Variants in ACBD6 observed in about 807,000 individuals in gnomAD.
The protein encoded by ACBD6 is acyl-CoA-binding domain-containing protein 6.
A neutral mutation model predicts 37.2 loss-of-function variants in ACBD6; 28 were observed. That is an observed-to-expected ratio of 0.75 (90% confidence interval 0.56 to 1.03). The LOEUF is 1.03. Among genes scored for constraint, ACBD6 ranks in the 50% least tolerant of loss-of-function variants. The probability of loss-of-function intolerance (pLI) is 0.00; values close to 1 mark genes in which losing one functional copy is unlikely to be tolerated. For synonymous variants in ACBD6, 113 were observed against 126.8 expected (o/e 0.89, Z 0.73); for missense variants, 340 against 337.4 (o/e 1.01, Z -0.06).
rs151205413 is a variant in ACBD6, at chr1:180,282,832, A to G, written c.*94-1446T>C. 5.4e-3 allele frequency among the ~76,000 whole-genome samples: 819 copies of G among 152,332 alleles called. 8 individuals carry two copies. The highest frequency in any genetic ancestry group is 0.019 in the African/African-American group (783 of 41,574). ...AAGTGATTCCCTGGAGTGGATGCCAAGCTTCGTTCAGAATGCGCATTAACC... is the reference window on the plus strand; with the variant it reads ...AAGTGATTCCCTGGAGTGGATGCCAGGCTTCGTTCAGAATGCGCATTAACC... On this transcript the variant is annotated intron_variant, in intron 8 of 13. Coordinates refer to the ACBD6 transcript ENST00000642319.
At chr1:180,410,863 T>C (rs1161493997) in intron 5 of ACBD6, among the ~76,000 whole-genome samples, 8 of 152,218 alleles carry the variant, frequency 5.3e-5, no homozygotes. Context: ...TATAAGGCTA[T>C]AGCTGCCATA....
intron 6 of ACBD6, among the ~76,000 whole-genome samples, chr1:180,374,356 C>T (rs941934056): frequency 2.0e-5 from 3 of 152,166 alleles, no homozygotes; most frequent in African/African-American, 7.2e-5. Context: ...AAAGGTGCTA[C>T]ACTCAAGTGC....
chr1:180,352,388 C>T (rs1431752645), intron 6 of ACBD6, among the ~76,000 whole-genome samples: 2 of 152,090 alleles, frequency 1.3e-5, no homozygotes, highest in African/African-American at 2.4e-5. Flanking sequence ...GAGGTTTTCA[C>T]CACGTTGGCC....
rs551840374 is a variant in ACBD6, at chr1:180,445,219, C to T, written c.385-14957G>A. ...ATTGCCCAAAACATGGCCATTTCTCCAACGCAAAAGTGTTTCAGCAATATA... is the reference window on the plus strand; with the variant it reads ...ATTGCCCAAAACATGGCCATTTCTCTAACGCAAAAGTGTTTCAGCAATATA... On this transcript the variant is annotated intron_variant, in intron 3 of 7. Coordinates refer to ENST00000367595, the MANE Select transcript of ACBD6 (RefSeq NM_032360.4). Among the ~76,000 whole-genome samples the T allele has an allele frequency of 4.9e-4, 74 of 152,204 alleles. 1 individual carries two copies. In the South Asian group the frequency reaches 0.015, roughly 31 times the overall value.
chr1:180,409,398 A>G (rs1647761271), intron 5 of ACBD6, among the ~76,000 whole-genome samples: 1 of 152,210 alleles, frequency 6.6e-6, no homozygotes, highest in South Asian at 2.1e-4. Context: ...CTATTGCACT[A>G]TGCTTCATTG....
intron 3 of ACBD6, among the ~76,000 whole-genome samples, chr1:180,491,911 T>C (rs958145954): frequency 6.6e-6 from 1 of 152,120 alleles, no homozygotes; most frequent in Non-Finnish European, 1.5e-5. Context: ...CCAGGTTCAA[T>C]TGATTCCCCT....
chr1:180,478,656 G>C (rs1164336026), intron 3 of ACBD6, among the ~76,000 whole-genome samples: 3 of 151,932 alleles, frequency 2.0e-5, no homozygotes, highest in Non-Finnish European at 4.4e-5. Context: ...GCTAATTTTT[G>C]TATTTTTAGT....
chr1:180,432,490 C>T (rs970629980), intron 3 of ACBD6, among the ~76,000 whole-genome samples: 1 of 151,376 alleles, frequency 6.6e-6, no homozygotes, highest in Non-Finnish European at 1.5e-5. Flanking sequence ...AGCAAATAAG[C>T]GAGTGACAAG....
intron 3 of ACBD6, among the ~76,000 whole-genome samples, chr1:180,456,109 G>A (rs1391823162): frequency 6.6e-6 from 1 of 151,808 alleles, no homozygotes; most frequent in African/African-American, 2.4e-5. Flanking sequence ...CTACTCGGGA[G>A]GCTGAGGCAG....
At position 180,413,528 on chromosome 1, in the gene ACBD6, T is replaced by C. The variant is rs1423838678; in HGVS notation, c.468-57A>G. ...CTGGGTAATACATTAAAGTTACATA[T>C]TTTCAACACAATCTGTTTGCTGCTG... On this transcript the variant is annotated intron_variant, in intron 4 of 7. Transcript: ENST00000367595. The C allele has an allele frequency of 4.6e-6, 6 of 1,303,880 alleles. No individual in the cohort carries two copies. In the African/African-American group the frequency reaches 7.3e-5, roughly 16 times the overall value. The allele number at this position is 1,303,880 out of a possible 1,614,324, so 80.8% of individuals were successfully genotyped here. A position where few individuals can be genotyped will look rare whatever the true frequency, so the allele number is the denominator to read the frequency against.
At chr1:180,303,515 A>G (rs9725078) in intron 7 of ACBD6, among the ~76,000 whole-genome samples, 11,057 of 150,968 alleles carry the variant, frequency 0.073, 1,357 homozygotes, top group African/African-American at 0.24. Flanking sequence ...GAAGAAATGG[A>G]TAAATTCCTC....
At chr1:180,471,957 A>G (rs1650586240) in intron 3 of ACBD6, among the ~76,000 whole-genome samples, 1 of 152,250 alleles carries the variant, frequency 6.6e-6, no homozygotes, top group Non-Finnish European at 1.5e-5. Flanking sequence ...GTTTATACCA[A>G]TGAGTTTCCT....
rs554564104 is a variant in ACBD6, at chr1:180,475,673, C to T, written c.384+16596G>A. Reference sequence around the variant, plus strand: ...GTGCTGGGATTACAGGCATGAGCCACCATGTTATGTATACCAATAGTTTGG... The same window carrying T: ...GTGCTGGGATTACAGGCATGAGCCATCATGTTATGTATACCAATAGTTTGG... On this transcript the variant is annotated intron_variant, in intron 3 of 7. Transcript: ENST00000367595. Among the ~76,000 whole-genome samples, 6 of 152,300 alleles carry T rather than the reference C, an allele frequency of 3.9e-5. No homozygotes were observed. In the East Asian group the frequency reaches 9.7e-4, roughly 25 times the overall value.
chr1:180,386,912 T>C (rs1394412976), intron 6 of ACBD6, among the ~76,000 whole-genome samples: 3 of 152,190 alleles, frequency 2.0e-5, no homozygotes, highest in East Asian at 1.9e-4. Context: ...TTGGCGTATA[T>C]TGACCTCCTT....
intron 6 of ACBD6, among the ~76,000 whole-genome samples, chr1:180,345,461 T>A (rs1246387007): frequency 6.6e-6 from 1 of 152,144 alleles, no homozygotes; most frequent in East Asian, 1.9e-4. Flanking sequence ...GATTTATAAA[T>A]CTTTTAGAAA....
intron 3 of ACBD6, among the ~76,000 whole-genome samples, chr1:180,458,736 G>A (rs969067977): frequency 1.3e-5 from 2 of 152,156 alleles, no homozygotes. Context: ...AATTTACAGT[G>A]TGTAAAGTTA....
intron 7 of ACBD6, among the ~76,000 whole-genome samples, chr1:180,302,054 G>A (rs1392622854): frequency 6.6e-6 from 1 of 151,024 alleles, no homozygotes; most frequent in Non-Finnish European, 1.5e-5. Flanking sequence ...GGGGAGGGTG[G>A]AGGGATAGCA....
chr1:180,476,473 C>T (rs1428355163), intron 3 of ACBD6, among the ~76,000 whole-genome samples: 1 of 152,148 alleles, frequency 6.6e-6, no homozygotes, highest in African/African-American at 2.4e-5. Flanking sequence ...TACAATGCTT[C>T]TTTTCCTCAA....
intron 6 of ACBD6, among the ~76,000 whole-genome samples, chr1:180,333,244 C>A (rs1651557824): frequency 6.6e-6 from 1 of 150,844 alleles, no homozygotes; most frequent in South Asian, 2.1e-4. Context: ...TAAAAAAAAA[C>A]ACAATGAGAA....
Sources: allele counts gnomAD v4.1 joint callset (sites outside exome capture counted in the v4.1 genomes callset), GRCh38; gene constraint gnomAD v4.1.1; transcripts MANE v1.5; gene names NCBI Gene and HGNC (gene_info 2026-07-23, HGNC 2026-07-21).